The following SCAF8 variants were observed in gnomAD, a reference collection of about 807,000 sequenced individuals.
SCAF8 encodes the protein SR-related CTD associated factor 8.
Under a neutral mutation model 140.5 loss-of-function variants are expected in SCAF8, and 23 were observed. The observed-to-expected ratio is 0.16, with a 90% confidence interval of 0.12 to 0.23. The LOEUF is 0.23. Ranked by LOEUF, SCAF8 falls within the 10% of genes least tolerant of loss-of-function variation. The probability of loss-of-function intolerance (pLI) is 1.00; values close to 1 mark genes in which losing one functional copy is unlikely to be tolerated. For missense variants in SCAF8, 1,397 were observed against 1,555.7 expected, an observed-to-expected ratio of 0.90 and a Z score of 1.72; for synonymous variants, 575 against 528.9, an observed-to-expected ratio of 1.09 and a Z score of -1.20.
intron 1 of SCAF8, chr6:154,741,827 A>T (rs1298286448): frequency 1.0e-4 from 62 of 609,826 alleles, no homozygotes; most frequent in Non-Finnish European, 1.8e-5. Flanking sequence ...GACAACTTCT[A>T]ACTCATAATG....
intron 1 of SCAF8, among the ~76,000 whole-genome samples, chr6:154,745,837 A>G (rs1322180720): frequency 6.6e-6 from 1 of 151,934 alleles, no homozygotes; most frequent in Non-Finnish European, 1.5e-5. Context: ...CCATTTATAT[A>G]TATAGGTGTA....
intron 1 of SCAF8, among the ~76,000 whole-genome samples, chr6:154,756,034 T>C (rs1351224015): frequency 1.3e-5 from 2 of 152,260 alleles, no homozygotes; most frequent in Non-Finnish European, 2.9e-5. Context: ...TATTAAACTT[T>C]ATGCTTGTGG....
chr6:154,734,637 G>T (rs536268197), intron 1 of SCAF8, among the ~76,000 whole-genome samples: 1 of 152,266 alleles, frequency 6.6e-6, no homozygotes, highest in East Asian at 1.9e-4. Flanking sequence ...GTTCATTCAC[G>T]TGTCAAACAA....
chr6:154,746,806 C>A (rs1023001874), intron 1 of SCAF8, among the ~76,000 whole-genome samples: 1 of 152,252 alleles, frequency 6.6e-6, no homozygotes, highest in African/African-American at 2.4e-5. Context: ...GAGTTAGGTT[C>A]AAGTTTTTCT....
chr6:154,809,819 A>C (rs1778036214), intron 11 of SCAF8, among the ~76,000 whole-genome samples, 196 bp from the exon 12 acceptor site: 1 of 152,164 alleles, frequency 6.6e-6, no homozygotes, highest in African/African-American at 2.4e-5. Flanking sequence ...ATCATTGCCA[A>C]CTAATATGGA....
intron 1 of SCAF8, among the ~76,000 whole-genome samples, chr6:154,750,735 A>G (rs1476550534): frequency 2.0e-5 from 3 of 152,206 alleles, no homozygotes; most frequent in African/African-American, 7.2e-5. Flanking sequence ...CCTTAAGTCT[A>G]CTGTAAGCAA....
At chr6:154,799,103 G>A (rs2114892876) in intron 6 of SCAF8, among the ~76,000 whole-genome samples, 2 of 150,590 alleles carry the variant, frequency 1.3e-5, no homozygotes, top group South Asian at 4.2e-4. Context: ...TCAGCCTCCC[G>A]AGTAGCTGAG....
At chr6:154,770,436 G>A in intron 1 of SCAF8, among the ~76,000 whole-genome samples, 1 of 147,780 alleles carries the variant, frequency 6.8e-6, no homozygotes, top group Admixed American at 6.8e-5. Flanking sequence ...GTTGAGTGTG[G>A]CGGTCCGTGC....
chr6:154,809,250 T>C lies in SCAF8; in HGVS notation c.1226+452T>C, dbSNP rs542372934. Among the ~76,000 whole-genome samples, 297 of 152,280 alleles carry C rather than the reference T, an allele frequency of 2.0e-3. 1 individual carries two copies. The highest frequency in any genetic ancestry group is 6.7e-3 in the African/African-American group (277 of 41,568). Reference sequence around the variant, plus strand: ...AAACAGTTTTCTTTATGAGCTTAACTTAAAGACATCAGTCTTTAACATTTT... The same window carrying C: ...AAACAGTTTTCTTTATGAGCTTAACCTAAAGACATCAGTCTTTAACATTTT... On this transcript the variant is annotated intron_variant, in intron 11 of 19. Coordinates refer to ENST00000367178, the MANE Select transcript of SCAF8 (RefSeq NM_014892.5).
intron 1 of SCAF8, among the ~76,000 whole-genome samples, chr6:154,755,174 A>C (rs1279269824): frequency 2.0e-5 from 3 of 151,848 alleles, no homozygotes; most frequent in African/African-American, 7.3e-5. Flanking sequence ...GGTTTGTTGC[A>C]GTCAGTTTTT....
chr6:154,830,612 C>G (rs1033551325), intron 18 of SCAF8, among the ~76,000 whole-genome samples: 1 of 152,182 alleles, frequency 6.6e-6, no homozygotes, highest in Non-Finnish European at 1.5e-5. Context: ...TTTAGACATT[C>G]ACTTTATCTG....
At chr6:154,755,999 C>T (rs886882458) in intron 1 of SCAF8, among the ~76,000 whole-genome samples, 3 of 152,114 alleles carry the variant, frequency 2.0e-5, no homozygotes, top group African/African-American at 7.2e-5. Context: ...TGCTCTTTTC[C>T]CAGTCTATTT....
intron 1 of SCAF8, among the ~76,000 whole-genome samples, chr6:154,766,389 G>A (rs1375188410): frequency 3.9e-5 from 6 of 152,096 alleles, no homozygotes; most frequent in African/African-American, 1.4e-4. Flanking sequence ...TCCACCGTTG[G>A]CTTTAATTTT....
At chr6:154,794,972 C>T in intron 5 of SCAF8, 37 bp from the exon 6 acceptor site, 1 of 1,547,486 alleles carries the variant, frequency 6.5e-7, no homozygotes. Flanking sequence ...TACTTACTTA[C>T]ATATTTATTT....
chr6:154,760,553 A>G (rs1353333163), intron 1 of SCAF8, among the ~76,000 whole-genome samples: 1 of 152,178 alleles, frequency 6.6e-6, no homozygotes, highest in Non-Finnish European at 1.5e-5. Flanking sequence ...ACATTATTGC[A>G]TACTTAACTA....
intron 5 of SCAF8, among the ~76,000 whole-genome samples, chr6:154,794,269 T>A (rs1402311116): frequency 6.6e-6 from 1 of 152,148 alleles, no homozygotes; most frequent in African/African-American, 2.4e-5. Flanking sequence ...CTATAAAATT[T>A]TTTTATTGAA....
At chr6:154,808,288 A>G (rs1289944035) in intron 10 of SCAF8, 87 bp downstream of exon 10, 12 of 1,302,726 alleles carry the variant, frequency 9.2e-6, no homozygotes, top group South Asian at 2.7e-5. Flanking sequence ...TGCCCTGAAT[A>G]TATTTTTCCC....
At chr6:154,812,509 A>G (rs1778126660) in intron 12 of SCAF8, among the ~76,000 whole-genome samples, 1 of 152,114 alleles carries the variant, frequency 6.6e-6, no homozygotes, top group Non-Finnish European at 1.5e-5. Context: ...GCTCCAAGGT[A>G]TGCCTATACA....
intron 1 of SCAF8, among the ~76,000 whole-genome samples, chr6:154,750,228 ACT>A: frequency 6.6e-6 from 1 of 152,268 alleles, no homozygotes; most frequent in African/African-American, 2.4e-5. Context: ...TGTTATGGTT[ACT>A]GTTTTGTTAA....
Sources: gnomAD v4.1 joint callset for allele counts (sites outside exome capture counted in the v4.1 genomes callset) on GRCh38, gnomAD v4.1.1 for gene constraint, MANE v1.5 for transcripts, NCBI Gene and HGNC (gene_info 2026-07-23, HGNC 2026-07-21) for gene names.